The following ST8SIA1 variants were observed in gnomAD, a reference collection of about 807,000 sequenced individuals.
ST8SIA1 encodes alpha-N-acetylneuraminide alpha-2,8-sialyltransferase.
In ST8SIA1, 16 loss-of-function variants were observed where a neutral mutation model predicts 35.9. The observed-to-expected ratio is 0.45, with a 90% CI of 0.30 to 0.68. The LOEUF (loss-of-function observed/expected upper bound fraction) is 0.68, where lower values mean the gene tolerates loss of function less well. Among genes scored for constraint, ST8SIA1 ranks in the 30% least tolerant of loss-of-function variants. ST8SIA1 has a pLI of 0.09. For missense variants in ST8SIA1, 383 were observed against 453.6 expected (o/e 0.84, Z 1.41); for synonymous variants, 170 against 169.6 (o/e 1.00, Z -0.02).
intron 1 of ST8SIA1, among the ~76,000 whole-genome samples, chr12:22,288,573 G>A (rs990804662): frequency 3.9e-5 from 6 of 152,176 alleles, no homozygotes; most frequent in African/African-American, 1.4e-4. Context: ...CAGCCTGCGG[G>A]GGAGGTGCTC....
intron 1 of ST8SIA1, among the ~76,000 whole-genome samples, chr12:22,326,543 A>C (rs1214164669): frequency 6.6e-6 from 1 of 152,154 alleles, no homozygotes; most frequent in African/African-American, 2.4e-5. Context: ...AGACCAAGTA[A>C]ATTTTTCAAT....
At chr12:22,309,342 T>A (rs75309034) in intron 1 of ST8SIA1, among the ~76,000 whole-genome samples, 8,460 of 152,136 alleles carry the variant, frequency 0.056, 404 homozygotes, top group East Asian at 0.25. Flanking sequence ...TTTTGCCTGA[T>A]GAGACACCAC....
At chr12:22,238,302 G>A (rs985124189) in intron 4 of ST8SIA1, among the ~76,000 whole-genome samples, 3 of 152,182 alleles carry the variant, frequency 2.0e-5, no homozygotes, top group Non-Finnish European at 4.4e-5. Flanking sequence ...AAAACATCAC[G>A]CAATTCCAAT....
intron 4 of ST8SIA1, among the ~76,000 whole-genome samples, chr12:22,207,178 C>T (rs1252636524): frequency 3.9e-5 from 6 of 152,126 alleles, no homozygotes; most frequent in Admixed American, 6.5e-5. Flanking sequence ...GATGGATTCG[C>T]GACTGCTGCA....
intron 4 of ST8SIA1, chr12:22,223,461 A>G (rs1865322487): frequency 6.2e-6 from 6 of 972,088 alleles, no homozygotes; most frequent in Non-Finnish European, 7.4e-6. Flanking sequence ...CCTTTCTCAG[A>G]CTTCTTTATA....
rs574031636 is a variant in ST8SIA1, at chr12:22,296,777, A to T, written c.237-9484T>A. On this transcript the variant is annotated intron_variant, in intron 1 of 4. Coordinates refer to ENST00000396037, the MANE Select transcript of ST8SIA1 (RefSeq NM_003034.4). ...CACTTCTGGAGGCTTGAGCAGGAGCATAGGGGTGGGCAGGTCCATCCACTC... is the reference window on the plus strand; with the variant it reads ...CACTTCTGGAGGCTTGAGCAGGAGCTTAGGGGTGGGCAGGTCCATCCACTC... 7.2e-4 allele frequency among the ~76,000 whole-genome samples: 109 copies of T among 152,306 alleles called. 3 individuals are homozygous for T. The South Asian group carries it at 0.022, about 31-fold the overall frequency.
chr12:22,253,752 A>T (rs1865698626), intron 3 of ST8SIA1, among the ~76,000 whole-genome samples: 1 of 152,150 alleles, frequency 6.6e-6, no homozygotes, highest in African/African-American at 2.4e-5. Flanking sequence ...AAAAACTGCA[A>T]TACAGAGGAA....
chr12:22,286,488 A>G (rs748540152), intron 2 of ST8SIA1: 2 of 518,808 alleles, frequency 3.9e-6, no homozygotes, highest in Admixed American at 1.9e-5. Flanking sequence ...CCTAATTGCA[A>G]TTTTGCCTAA....
intron 4 of ST8SIA1, among the ~76,000 whole-genome samples, chr12:22,238,012 G>T (rs1255050617): frequency 1.3e-5 from 2 of 152,072 alleles, no homozygotes; most frequent in African/African-American, 4.8e-5. Context: ...AATAGATCTT[G>T]AGGGTCTTCA....
At chr12:22,287,034 G>C (rs370507908) in intron 2 of ST8SIA1, 115 bp downstream of exon 2, 1 of 952,612 alleles carries the variant, frequency 1.0e-6, no homozygotes, top group Non-Finnish European at 1.6e-6. Flanking sequence ...CATTTAAAGA[G>C]AGAAGAAAGA....
chr12:22,313,452 A>G (rs1220739890), intron 1 of ST8SIA1, among the ~76,000 whole-genome samples: 1 of 152,192 alleles, frequency 6.6e-6, no homozygotes, highest in Non-Finnish European at 1.5e-5. Context: ...ATCTCCACAC[A>G]GAAACCATGA....
intron 1 of ST8SIA1, among the ~76,000 whole-genome samples, chr12:22,302,538 AACTCGGG>A (rs1339643353): frequency 6.6e-6 from 1 of 152,188 alleles, no homozygotes; most frequent in Non-Finnish European, 1.5e-5. Flanking sequence ...CTTTCCTAAT[AACTCGGG>A]ACCTACCTAT....
At chr12:22,315,715 A>T (rs1433038670) in intron 1 of ST8SIA1, among the ~76,000 whole-genome samples, 1 of 151,700 alleles carries the variant, frequency 6.6e-6, no homozygotes, top group Non-Finnish European at 1.5e-5. Context: ...AATCCAGAAG[A>T]GATAAGAGTA....
intron 4 of ST8SIA1, among the ~76,000 whole-genome samples, chr12:22,224,035 G>A (rs570805006): frequency 7.6e-4 from 116 of 152,184 alleles, no homozygotes; most frequent in Non-Finnish European, 1.4e-3. Flanking sequence ...TAAAAGAAAG[G>A]TTGTACTAAT....
chr12:22,213,828 G>A (rs1865202619), intron 4 of ST8SIA1, among the ~76,000 whole-genome samples: 3 of 152,102 alleles, frequency 2.0e-5, no homozygotes, highest in African/African-American at 4.8e-5. Flanking sequence ...AGCTGGCTTG[G>A]GTAACTGAGT....
chr12:22,252,115 T>C lies in ST8SIA1; in HGVS notation c.492-3017A>G, dbSNP rs563056368. On this transcript the variant is annotated intron_variant, in intron 3 of 4. Coordinates refer to ENST00000396037, the MANE Select transcript of ST8SIA1 (RefSeq NM_003034.4). ...AATGTTTACTTTGAGAAATGGGAAA[T>C]TGATTTTCAGCACTAGAAGATGTGT... Among the ~76,000 whole-genome samples, 7 of 152,296 alleles carry C rather than the reference T, an allele frequency of 4.6e-5. No individual in the cohort carries two copies. The South Asian group carries it at 8.3e-4, about 18-fold the overall frequency.
chr12:22,227,600 A>C (rs1049170005), intron 4 of ST8SIA1, among the ~76,000 whole-genome samples: 9 of 152,038 alleles, frequency 5.9e-5, no homozygotes, highest in South Asian at 2.1e-4. Flanking sequence ...AAAACACACA[A>C]AAAAAATGTT....
Position 22,256,262 on chromosome 12 carries a change from C to T in ST8SIA1, c.382-873G>A, listed in dbSNP as rs558561231. Among the ~76,000 whole-genome samples the T allele has an allele frequency of 1.6e-4, 25 of 152,246 alleles. No individual in the cohort carries two copies. In the South Asian group the frequency reaches 4.8e-3, roughly 29 times the overall value. On this transcript the variant is annotated intron_variant, in intron 2 of 4. Coordinates refer to ENST00000396037, the MANE Select transcript of ST8SIA1 (RefSeq NM_003034.4). ...ACACAGCATGTGACTTTCTTTCTGC[C>T]AACACTGAACTGGACTGTAAAGAAA...
At chr12:22,287,580 C>T (rs1866116973) in intron 1 of ST8SIA1, among the ~76,000 whole-genome samples, 3 of 151,640 alleles carry the variant, frequency 2.0e-5, no homozygotes, top group Admixed American at 2.0e-4. Flanking sequence ...TAAAAATAAC[C>T]ATTACAGTTG....
Sources: allele counts gnomAD v4.1 joint callset (sites outside exome capture counted in the v4.1 genomes callset), GRCh38; gene constraint gnomAD v4.1.1; transcripts MANE v1.5; gene names NCBI Gene and HGNC (gene_info 2026-07-23, HGNC 2026-07-21).